Variants in FOXP1 observed in about 807,000 individuals in gnomAD.
FOXP1 encodes the protein forkhead box protein P1.
FOXP1 carries 15 observed loss-of-function variants against 98.2 expected under a neutral mutation model. The observed-to-expected ratio is 0.15, with a 90% confidence interval of 0.10 to 0.24. FOXP1 has a LOEUF of 0.24. Among genes scored for constraint, FOXP1 ranks in the 10% least tolerant of loss-of-function variants. The pLI is 1.00. For missense variants in FOXP1, 633 were observed against 848.5 expected (o/e 0.75, Z 3.15); for synonymous variants, 371 against 314.5 (o/e 1.18, Z -1.90).
At chr3:70,995,520 CA>C (rs2041240913) in intron 13 of FOXP1, among the ~76,000 whole-genome samples, 1 of 152,112 alleles carries the variant, frequency 6.6e-6, no homozygotes, top group African/African-American at 2.4e-5. Flanking sequence ...TCCCTGATTT[CA>C]AAAAGCCATG....
intron 2 of FOXP1, among the ~76,000 whole-genome samples, chr3:71,510,916 C>T (rs1424687461): frequency 6.6e-6 from 1 of 152,128 alleles, no homozygotes; most frequent in East Asian, 1.9e-4. Flanking sequence ...TTACAAAGTG[C>T]AAATGTCTGA....
At chr3:71,361,214 C>T (rs899168192) in intron 3 of FOXP1, among the ~76,000 whole-genome samples, 4 of 152,072 alleles carry the variant, frequency 2.6e-5, no homozygotes, top group African/African-American at 9.7e-5. Flanking sequence ...TGAGCAACTG[C>T]CACTAAAAGA....
intron 4 of FOXP1, among the ~76,000 whole-genome samples, chr3:71,325,662 T>C (rs2075648335): frequency 6.6e-6 from 1 of 151,178 alleles, no homozygotes; most frequent in Non-Finnish European, 1.5e-5. Context: ...TTATTATTAT[T>C]ATTATTATTA....
At chr3:71,058,289 T>C (rs990376959) in intron 7 of FOXP1, among the ~76,000 whole-genome samples, 7 of 152,186 alleles carry the variant, frequency 4.6e-5, no homozygotes, top group African/African-American at 1.7e-4. Context: ...TTTTGCACGT[T>C]GGGTATCATC....
chr3:71,071,885 T>TAAC (rs550610968), intron 7 of FOXP1, among the ~76,000 whole-genome samples: 45 of 152,190 alleles, frequency 3.0e-4, no homozygotes, highest in East Asian at 2.5e-3. Context: ...CTCTGTAGTT[T>TAAC]AACAACAACA....
At chr3:71,437,436 C>A (rs1009470646) in intron 3 of FOXP1, among the ~76,000 whole-genome samples, 8 of 152,172 alleles carry the variant, frequency 5.3e-5, no homozygotes, top group Admixed American at 5.2e-4. Flanking sequence ...ACAAAACAAA[C>A]AGAAAACAAA....
intron 3 of FOXP1, among the ~76,000 whole-genome samples, chr3:71,490,434 G>A (rs893683935): frequency 6.6e-6 from 1 of 152,038 alleles, no homozygotes; most frequent in Non-Finnish European, 1.5e-5. Context: ...GGAAGTGGAG[G>A]TTGCAGTGAG....
chr3:71,494,179 G>C (rs1380644517), intron 2 of FOXP1, among the ~76,000 whole-genome samples: 3 of 152,102 alleles, frequency 2.0e-5, no homozygotes, highest in African/African-American at 4.8e-5. Context: ...TTCTGGACCC[G>C]GTATGGTCTT....
At chr3:71,158,083 A>AAGGAAGGAAGGATGGAAGGAAG (rs1391195041) in intron 6 of FOXP1, among the ~76,000 whole-genome samples, 2 of 42,112 alleles carry the variant, frequency 4.7e-5, no homozygotes, top group African/African-American at 1.1e-4. Flanking sequence ...GTAAGACGAA[A>AAGGAAGGAAGGATGGAAGGAAG]GAAGGAAGGA....
intron 6 of FOXP1, 35 bp from the exon 7 acceptor site, chr3:71,112,672 T>C (rs1389598739): frequency 1.3e-6 from 2 of 1,494,164 alleles, no homozygotes; most frequent in African/African-American, 1.4e-5. Flanking sequence ...TTTGCGTTAC[T>C]ACACAGGTTC....
At chr3:71,277,963 G>A (rs1049774857) in intron 5 of FOXP1, among the ~76,000 whole-genome samples, 8 of 152,056 alleles carry the variant, frequency 5.3e-5, no homozygotes, top group South Asian at 2.1e-4. Flanking sequence ...TGGCTGGCAC[G>A]CAGGAAAAGC....
intron 5 of FOXP1, among the ~76,000 whole-genome samples, chr3:71,202,471 C>G (rs922599180): frequency 6.6e-6 from 1 of 152,182 alleles, no homozygotes; most frequent in East Asian, 1.9e-4. Context: ...ATTTAATAAG[C>G]CTTTATATCT....
intron 6 of FOXP1, among the ~76,000 whole-genome samples, chr3:71,122,026 C>T (rs1187739533): frequency 6.6e-6 from 1 of 152,148 alleles, no homozygotes; most frequent in Non-Finnish European, 1.5e-5. Context: ...CTTTTCATAC[C>T]TCAGAATGAG....
intron 2 of FOXP1, among the ~76,000 whole-genome samples, chr3:71,564,479 T>C (rs1300106664): frequency 6.6e-6 from 1 of 152,218 alleles, no homozygotes; most frequent in Admixed American, 6.5e-5. Flanking sequence ...CACACATTTA[T>C]GGAAGATCAA....
intron 12 of FOXP1, among the ~76,000 whole-genome samples, chr3:71,015,186 C>G (rs1428093866): frequency 6.6e-6 from 1 of 150,532 alleles, no homozygotes; most frequent in Non-Finnish European, 1.5e-5. Context: ...ACAACAACAA[C>G]AAAATTATAG....
intron 3 of FOXP1, among the ~76,000 whole-genome samples, chr3:71,461,851 G>C (rs188885083): frequency 4.0e-5 from 6 of 151,802 alleles, no homozygotes; most frequent in African/African-American, 1.2e-4. Flanking sequence ...AGGGACCACA[G>C]GTCTCTGGTA....
At chr3:71,102,019 C>A (rs982838307) in intron 7 of FOXP1, among the ~76,000 whole-genome samples, 2 of 152,164 alleles carry the variant, frequency 1.3e-5, no homozygotes, top group Admixed American at 1.3e-4. Flanking sequence ...TAGAAGGCAG[C>A]AACCCCAGAC....
chr3:71,016,688 CACAT>C (rs1420151137), intron 11 of FOXP1, among the ~76,000 whole-genome samples: 5 of 149,046 alleles, frequency 3.4e-5, no homozygotes, highest in East Asian at 1.9e-4. Context: ...CACACACACA[CACAT>C]GCATACACAC....
chr3:71,058,828 T>C (rs1424852727), intron 7 of FOXP1, among the ~76,000 whole-genome samples: 2 of 151,624 alleles, frequency 1.3e-5, no homozygotes, highest in African/African-American at 2.4e-5. Flanking sequence ...CCAGGTACCA[T>C]GCAAGTAACT....
Sources: allele counts gnomAD v4.1 joint callset (sites outside exome capture counted in the v4.1 genomes callset), GRCh38; gene constraint gnomAD v4.1.1; transcripts MANE v1.5; gene names NCBI Gene and HGNC (gene_info 2026-07-23, HGNC 2026-07-21).